PREPL: variants seen among roughly 807,000 people sequenced by gnomAD.
The protein encoded by PREPL is prolyl endopeptidase-like.
In PREPL, 77 loss-of-function variants were observed where a neutral mutation model predicts 70.6. That is an observed-to-expected ratio of 1.09 (90% CI 0.91 to 1.32). PREPL has a LOEUF of 1.32. Among genes scored for constraint, PREPL ranks in the 40% most tolerant of loss-of-function variants. PREPL has a pLI of 0.00. For missense variants in PREPL, 1,002 were observed against 778.2 expected (o/e 1.29, Z -3.42); for synonymous variants, 315 against 264.8 (o/e 1.19, Z -1.84).
chr2:44,338,579 G>C, intron 6 of PREPL, 43 bp from the exon 7 acceptor site: 2 of 1,469,078 alleles, frequency 1.4e-6, no homozygotes, highest in Middle Eastern at 1.8e-4. Context: ...AAGAAAACAC[G>C]AAGGCTGCAG....
intron 7 of PREPL, among the ~76,000 whole-genome samples, chr2:44,336,003 G>C (rs1674600274): frequency 6.6e-6 from 1 of 151,934 alleles, no homozygotes; most frequent in Non-Finnish European, 1.5e-5. Flanking sequence ...ACCACAACGA[G>C]ATACCATCTC....
chr2:44,352,457 T>A (rs1676548181), intron 1 of PREPL, among the ~76,000 whole-genome samples: 1 of 152,132 alleles, frequency 6.6e-6, no homozygotes, highest in Non-Finnish European at 1.5e-5. Context: ...AGACAGGGTT[T>A]TGCCATGTTG....
intron 10 of PREPL, among the ~76,000 whole-genome samples, chr2:44,324,080 A>C (rs1673249951): frequency 6.6e-6 from 1 of 152,242 alleles, no homozygotes; most frequent in Admixed American, 6.5e-5. Flanking sequence ...GCAATATTAC[A>C]TGGAATATTA....
At chr2:44,326,501 T>G (rs972583793) in intron 10 of PREPL, among the ~76,000 whole-genome samples, 2 of 151,652 alleles carry the variant, frequency 1.3e-5, no homozygotes, top group Non-Finnish European at 2.9e-5. Context: ...GTAGGTTTTT[T>G]TTTTTTTTTA....
intron 1 of PREPL, among the ~76,000 whole-genome samples, chr2:44,356,623 G>C (rs773245161): frequency 1.3e-5 from 2 of 152,154 alleles, no homozygotes; most frequent in Non-Finnish European, 2.9e-5. Context: ...TGTGGGGTGA[G>C]ATCCAGGAAT....
rs1461232103 is a variant in PREPL, at chr2:44,356,993, T to C, written c.-49+4387A>G. Among the ~76,000 whole-genome samples, 7 of 152,034 alleles carry C rather than the reference T, an allele frequency of 4.6e-5. No homozygotes were observed. The East Asian group carries it at 1.4e-3, about 29-fold the overall frequency. ...CTAATTTTTAGTCTTTTTGGTAGAGTTGGGGTTTTGCCATGTTGCCAAGGC... is the reference window on the plus strand; with the variant it reads ...CTAATTTTTAGTCTTTTTGGTAGAGCTGGGGTTTTGCCATGTTGCCAAGGC... On this transcript the variant is annotated intron_variant, in intron 1 of 13. Coordinates refer to ENST00000409411, the MANE Select transcript of PREPL (RefSeq NM_001171613.2).
At chr2:44,346,581 A>G (rs1407428326) in intron 1 of PREPL, among the ~76,000 whole-genome samples, 191 bp from the exon 2 acceptor site, 1 of 152,190 alleles carries the variant, frequency 6.6e-6, no homozygotes, top group African/African-American at 2.4e-5. Context: ...TTTCGTTAAA[A>G]AAAGTAAACA....
intron 5 of PREPL, among the ~76,000 whole-genome samples, chr2:44,342,206 T>A (rs995516974): frequency 1.3e-5 from 2 of 152,224 alleles, no homozygotes; most frequent in Admixed American, 6.5e-5. Flanking sequence ...CAGTTTTTAA[T>A]AAAATATTAG....
intron 12 of PREPL, 60 bp from the exon 13 acceptor site, chr2:44,321,960 G>A (rs749368989): frequency 1.8e-4 from 270 of 1,497,030 alleles, no homozygotes; most frequent in Admixed American, 1.3e-4. Flanking sequence ...TTGGAAGATC[G>A]AGACCCATTC....
At chr2:44,355,920 T>C (rs922153909) in intron 1 of PREPL, among the ~76,000 whole-genome samples, 26 of 152,224 alleles carry the variant, frequency 1.7e-4, no homozygotes, top group Non-Finnish European at 3.2e-4. Flanking sequence ...TTGTTCAAAT[T>C]ATCACTATTA....
chr2:44,353,549 C>CTGGG (rs1481597844), intron 1 of PREPL, among the ~76,000 whole-genome samples: 8 of 151,494 alleles, frequency 5.3e-5, no homozygotes, highest in African/African-American at 1.5e-4. Flanking sequence ...GATGGCACCA[C>CTGGG]TGCACTCCAA....
intron 1 of PREPL, among the ~76,000 whole-genome samples, chr2:44,353,872 G>C (rs1312894166): frequency 2.0e-5 from 3 of 151,380 alleles, no homozygotes; most frequent in African/African-American, 7.3e-5. Context: ...CTCAAAATGG[G>C]TCATAGGGCT....
intron 10 of PREPL, among the ~76,000 whole-genome samples, chr2:44,325,068 A>C (rs960919291): frequency 1.3e-4 from 20 of 152,144 alleles, no homozygotes; most frequent in Admixed American, 1.3e-3. Context: ...GCTGCCTACC[A>C]TATGAACTTT....
At chr2:44,322,391 T>G (rs1673063168) in intron 12 of PREPL, among the ~76,000 whole-genome samples, 1 of 152,200 alleles carries the variant, frequency 6.6e-6, no homozygotes, top group Non-Finnish European at 1.5e-5. Flanking sequence ...GAATCTGTCT[T>G]TTAGAGATTC....
chr2:44,347,647 C>T lies in PREPL; in HGVS notation c.-48-1257G>A, dbSNP rs185642731. ...AATAATTCAACACTCCAGTGGTTTG[C>T]CTTGTTTAAGCAAAAGGATTCTGGC... On this transcript the variant is annotated intron_variant, in intron 1 of 13. Coordinates refer to ENST00000409411, the MANE Select transcript of PREPL (RefSeq NM_001171613.2). Among the ~76,000 whole-genome samples, 162 of 152,282 alleles carry T rather than the reference C, an allele frequency of 1.1e-3. 1 individual carries two copies. Among genetic ancestry groups the T allele is most frequent in the African/African-American group, 3.9e-3 (161 of 41,558 alleles).
In PREPL at chr2:44,322,791, CA is replaced by C. The variant is rs1673109421; in HGVS notation, c.1692del (p.Ile564MetfsTer2). The C allele has an allele frequency of 6.2e-7, 1 of 1,613,808 alleles. No individual in the cohort carries two copies. The highest frequency in any genetic ancestry group is 8.5e-7 in the Non-Finnish European group (1 of 1,179,832). Reference protein sequence around the residue: ...ENDERVPLKGIVSYTEKLKEA... With the variant: ...ENDERVPLKGXVSYTEKLKEA... Reference sequence around the variant, plus strand: ...TCCTTGAGTTTCTCAGTATAACTTACAATTCCTTTCAGAGGTACCCGTTCAT... The same window carrying C: ...TCCTTGAGTTTCTCAGTATAACTTACATTCCTTTCAGAGGTACCCGTTCAT... On this transcript the variant is annotated frameshift_variant, in exon 12 of 14. Transcript: ENST00000409411. LOFTEE classifies it high-confidence loss of function.
Position 44,326,883 on chromosome 2 carries a change from T to C in PREPL, c.1308A>G (p.Leu436=). ...CAGCAAGGCCATTGAGTTTTTTAGT[T>C]AGGCGGCCATCAGCGTGCCACTGGA... The part of the protein sequence containing the change: ...LGLQWHADGR[L]TKKLNGLADL... The change falls in exon 10 of 14, where the codon CTA becomes CTG. Residue 436 remains leucine, a synonymous_variant. Coordinates refer to ENST00000409411, the MANE Select transcript of PREPL (RefSeq NM_001171613.2). The C allele has an allele frequency of 6.2e-7, 1 of 1,614,152 alleles. No homozygotes were observed. Among genetic ancestry groups the C allele is most frequent in the Non-Finnish European group, 8.5e-7 (1 of 1,180,028 alleles).
intron 9 of PREPL, among the ~76,000 whole-genome samples, chr2:44,327,440 A>G (rs920750749): frequency 2.6e-5 from 4 of 152,202 alleles, no homozygotes; most frequent in African/African-American, 9.6e-5. Flanking sequence ...TTTTAAGGAG[A>G]TGATGCCTAA....
intron 1 of PREPL, among the ~76,000 whole-genome samples, chr2:44,351,695 C>G (rs986736178): frequency 1.3e-5 from 2 of 152,190 alleles, no homozygotes; most frequent in Non-Finnish European, 2.9e-5. Context: ...TATTTAGAAT[C>G]TGACCACTTC....
Sources: allele counts gnomAD v4.1 joint callset (sites outside exome capture counted in the v4.1 genomes callset), GRCh38; gene constraint gnomAD v4.1.1; transcripts MANE v1.5; gene names NCBI Gene and HGNC (gene_info 2026-07-23, HGNC 2026-07-21).